The following DMD variants were observed in gnomAD, a reference collection of about 807,000 sequenced individuals.
The protein encoded by DMD is dystrophin.
DMD carries 63 observed loss-of-function variants against 330.1 expected under a neutral mutation model. The observed-to-expected ratio is 0.19, with a 90% CI of 0.16 to 0.24. DMD has a LOEUF of 0.24. Among genes scored for constraint, DMD ranks in the 10% least tolerant of loss-of-function variants. The pLI, the probability that DMD is intolerant of heterozygous loss-of-function variation, is 1.00. For missense variants in DMD, 3,344 were observed against 2,684.1 expected, an observed-to-expected ratio of 1.25 and a Z score of -5.43; for synonymous variants, 1,223 against 959.8, an observed-to-expected ratio of 1.27 and a Z score of -5.07.
At chrX:33,283,121 C>A (rs1336793476) in intron 1 of DMD, among the ~76,000 whole-genome samples, 1 of 112,210 alleles carries the variant, frequency 8.9e-6, no homozygotes, top group Admixed American at 9.4e-5. Context: ...AAAATGTGCA[C>A]AACTTTTAAA....
intron 18 of DMD, among the ~76,000 whole-genome samples, chrX:32,514,534 G>A (rs187082285): frequency 1.6e-3 from 180 of 111,900 alleles, no homozygotes; most frequent in African/African-American, 5.6e-3. Context: ...GAGGTCAGGA[G>A]ATCGAGACCA....
chrX:32,933,217 G>T (rs2089735885), intron 2 of DMD, among the ~76,000 whole-genome samples: 1 of 111,835 alleles, frequency 8.9e-6, no homozygotes, highest in Non-Finnish European at 1.9e-5. Context: ...AGGGAAGGGA[G>T]CCAGAAGTAG....
chrX:31,949,278 A>G (rs2095128438), intron 45 of DMD, among the ~76,000 whole-genome samples: 1 of 111,300 alleles, frequency 9.0e-6, no homozygotes, highest in African/African-American at 3.3e-5. Flanking sequence ...GAGTCTTCCA[A>G]TTCATGAACA....
intron 1 of DMD, among the ~76,000 whole-genome samples, chrX:33,030,287 T>G (rs183400594): frequency 8.9e-5 from 10 of 111,965 alleles, no homozygotes; most frequent in Admixed American, 7.6e-4. Context: ...AGTAGGATTT[T>G]TATAGTATTT....
chrX:31,980,596 T>C (rs931071189), intron 44 of DMD, among the ~76,000 whole-genome samples: 4 of 111,795 alleles, frequency 3.6e-5, no homozygotes, highest in Non-Finnish European at 7.5e-5. Context: ...TGTCACTTTA[T>C]CAGTGGGACC....
intron 17 of DMD, among the ~76,000 whole-genome samples, chrX:32,528,044 C>T (rs1219419553): frequency 8.9e-6 from 1 of 112,380 alleles, no homozygotes; most frequent in Non-Finnish European, 1.9e-5. Context: ...CGTGGCGGCT[C>T]ATGCCTGTAA....
intron 7 of DMD, among the ~76,000 whole-genome samples, chrX:32,802,327 C>T (rs1259593636): frequency 9.0e-6 from 1 of 111,701 alleles, no homozygotes; most frequent in Non-Finnish European, 1.9e-5. Flanking sequence ...TATAGGAATG[C>T]TTGTTATTTT....
chrX:32,408,367 A>G (rs2098127679), intron 30 of DMD, among the ~76,000 whole-genome samples: 1 of 111,854 alleles, frequency 8.9e-6, no homozygotes, highest in Admixed American at 9.5e-5. Flanking sequence ...TTTCTTTCCT[A>G]TAGTAATAAA....
At chrX:33,297,176 T>G (rs1278991096) in intron 1 of DMD, among the ~76,000 whole-genome samples, 4 of 111,679 alleles carry the variant, frequency 3.6e-5, no homozygotes. Context: ...CACATTAGTG[T>G]ACATAATTAT....
intron 2 of DMD, among the ~76,000 whole-genome samples, chrX:32,867,964 G>A (rs967587849): frequency 9.0e-6 from 1 of 110,790 alleles, no homozygotes; most frequent in African/African-American, 3.3e-5. Flanking sequence ...AGGAACAGCT[G>A]CAGTCAGAGG....
intron 47 of DMD, among the ~76,000 whole-genome samples, chrX:31,880,645 TACA>T (rs1273028156): frequency 8.9e-6 from 1 of 112,228 alleles, no homozygotes; most frequent in Admixed American, 9.4e-5. Flanking sequence ...AGCCCTATTA[TACA>T]GTCATTCACC....
chrX:31,508,552 T>C (rs2071178945), intron 55 of DMD: 1 of 164,664 alleles, frequency 6.1e-6, no homozygotes, highest in African/African-American at 3.1e-5. Flanking sequence ...CATTATAAAT[T>C]CATTTTATAT....
At chrX:32,995,454 T>G (rs1485428841) in intron 2 of DMD, among the ~76,000 whole-genome samples, 1 of 112,375 alleles carries the variant, frequency 8.9e-6, no homozygotes, top group East Asian at 2.8e-4. Context: ...CTGTCAGGAC[T>G]TGGCTCTGCC....
chrX:32,982,646 G>A (rs1786408484), intron 2 of DMD, among the ~76,000 whole-genome samples: 2 of 111,370 alleles, frequency 1.8e-5, no homozygotes, highest in Admixed American at 1.9e-4. Context: ...TTGGTTTACT[G>A]GGTCTGGAGC....
intron 44 of DMD, among the ~76,000 whole-genome samples, chrX:32,174,225 C>T: frequency 8.9e-6 from 1 of 112,356 alleles, no homozygotes; most frequent in Non-Finnish European, 1.9e-5. Flanking sequence ...GGACAACAGG[C>T]TTCCAGCTGT....
intron 62 of DMD, among the ~76,000 whole-genome samples, chrX:31,287,826 G>T (rs141028749): frequency 1.8e-5 from 2 of 111,800 alleles, no homozygotes; most frequent in South Asian, 7.5e-4. Flanking sequence ...TACAGCAAAT[G>T]GTAAATATTT....
rs186418648 is a variant in DMD, at chrX:32,995,092, G to A, written c.93+25047C>T. On this transcript the variant is annotated intron_variant, in intron 2 of 78. Transcript: ENST00000357033. ...TGCACTCCAACCTGAGTGACGAAGT[G>A]AGATCTTGTCTCAAAAACCAAACCA... Among the ~76,000 whole-genome samples the A allele has an allele frequency of 8.0e-5, 9 of 112,090 alleles. No homozygotes were observed. The East Asian group carries it at 2.2e-3, about 28-fold the overall frequency.
chrX:33,266,077 T>G (rs72626080), intron 1 of DMD, among the ~76,000 whole-genome samples: 12,739 of 111,130 alleles, frequency 0.11, 1,042 homozygotes, highest in East Asian at 0.66. Flanking sequence ...AGATTCAAGA[T>G]GAAACTCTAG....
chrX:31,525,497 A>T (rs954586043), intron 55 of DMD, among the ~76,000 whole-genome samples: 2 of 112,092 alleles, frequency 1.8e-5, no homozygotes, highest in African/African-American at 6.5e-5. Flanking sequence ...GTTTTAAAAT[A>T]TCATTAAATG....
Sources: allele counts gnomAD v4.1 joint callset (sites outside exome capture counted in the v4.1 genomes callset), GRCh38; gene constraint gnomAD v4.1.1; transcripts MANE v1.5; gene names NCBI Gene and HGNC (gene_info 2026-07-23, HGNC 2026-07-21).